NF1: variants seen among roughly 807,000 people sequenced by gnomAD.
NF1 encodes the protein neurofibromin 1, also known as neurofibromin.
A neutral mutation model predicts 325.7 loss-of-function variants in NF1; 122 were observed. The ratio of observed to expected loss-of-function variants is 0.37; its 90% confidence interval spans 0.32 to 0.44. The LOEUF is 0.44. Among genes scored for constraint, NF1 ranks in the 20% least tolerant of loss-of-function variants. The pLI, the probability that NF1 is intolerant of heterozygous loss-of-function variation, is 1.00. For synonymous variants in NF1, 1,091 were observed against 1,186.0 expected, an observed-to-expected ratio of 0.92 and a Z score of 1.65; for missense variants, 2,140 against 3,415.4, an observed-to-expected ratio of 0.63 and a Z score of 9.31.
intron 1 of NF1, among the ~76,000 whole-genome samples, chr17:31,103,471 C>G (rs899573733): frequency 6.6e-6 from 1 of 152,134 alleles, no homozygotes; most frequent in African/African-American, 2.4e-5. Flanking sequence ...TCTTGAACTC[C>G]TGACCTGAGG....
At chr17:31,330,258 A>G in intron 38 of NF1, 38 bp from the exon 39 acceptor site, 1 of 1,599,588 alleles carries the variant, frequency 6.3e-7, no homozygotes, top group South Asian at 1.1e-5. Flanking sequence ...ATAAGGAAAA[A>G]TACGTTTTAA....
chr17:31,315,211 T>C (rs2068989627), intron 36 of NF1, among the ~76,000 whole-genome samples: 1 of 152,126 alleles, frequency 6.6e-6, no homozygotes, highest in Non-Finnish European at 1.5e-5. Context: ...TAAAATAAAT[T>C]GGGGATCATT....
At chr17:31,302,708 G>A (rs530627385) in intron 36 of NF1, among the ~76,000 whole-genome samples, 1 of 152,054 alleles carries the variant, frequency 6.6e-6, no homozygotes, top group Non-Finnish European at 1.5e-5. Flanking sequence ...AGCCAGGCGT[G>A]GTGGTGCACG....
At position 31,274,831 on chromosome 17, in the gene NF1, T is replaced by C. The variant is rs16972137; in HGVS notation, c.4835+9492T>C. Among the ~76,000 whole-genome samples the C allele has an allele frequency of 7.8e-3, 1,193 of 152,272 alleles. 21 individuals are homozygous for C. Among genetic ancestry groups the C allele is most frequent in the African/African-American group, 0.027 (1,142 of 41,538 alleles). ...AATCTTGACCTTTTGAGTACTACAC[T>C]TACACAACTCTTTATTGATGCTTCA... On this transcript the variant is annotated intron_variant, in intron 36 of 57. Transcript: ENST00000358273.
intron 36 of NF1, among the ~76,000 whole-genome samples, chr17:31,270,692 C>T (rs557134747): frequency 2.2e-4 from 34 of 152,164 alleles, no homozygotes; most frequent in Non-Finnish European, 4.1e-4. Context: ...TGATACCTGG[C>T]AATTGCTTTT....
intron 32 of NF1, among the ~76,000 whole-genome samples, 185 bp downstream of exon 32, chr17:31,258,687 CATG>C (rs1246134709): frequency 5.9e-5 from 9 of 152,006 alleles, no homozygotes; most frequent in Admixed American, 5.9e-4. Flanking sequence ...ACCTTATTTT[CATG>C]ATAAAACATT....
At chr17:31,143,576 C>G (rs1465252736) in intron 1 of NF1, among the ~76,000 whole-genome samples, 1 of 151,850 alleles carries the variant, frequency 6.6e-6, no homozygotes, top group Non-Finnish European at 1.5e-5. Context: ...CTGGCAGCAC[C>G]CATATATTTT....
At chr17:31,373,494 T>C (rs1300326741) in intron 57 of NF1, among the ~76,000 whole-genome samples, 1 of 152,236 alleles carries the variant, frequency 6.6e-6, no homozygotes. Flanking sequence ...TCTGCTATGA[T>C]AGCAAACTTT....
Position 31,336,959 on chromosome 17 carries a change from A to C in NF1, c.6427+45A>C. 1 of 1,578,978 alleles carries C rather than the reference A, an allele frequency of 6.3e-7. No individual in the cohort carries two copies. The highest frequency in any genetic ancestry group is 8.6e-7 in the Non-Finnish European group (1 of 1,159,868). Reference sequence around the variant, plus strand: ...TTTGTGTTTACCAGTTCCTTTCTCCATTTTACTTCACCTGATCAATATAGA... The same window carrying C: ...TTTGTGTTTACCAGTTCCTTTCTCCCTTTTACTTCACCTGATCAATATAGA... On this transcript the variant is annotated intron_variant, in intron 42 of 57. Transcript: ENST00000358273. The surrounding 1 kb of genome is among the most constrained non-coding windows in gnomAD (Gnocchi z 5.5).
intron 13 of NF1, among the ~76,000 whole-genome samples, chr17:31,216,367 A>G (rs1413539215): frequency 6.6e-6 from 1 of 152,190 alleles, no homozygotes; most frequent in Non-Finnish European, 1.5e-5. Flanking sequence ...AGTTTTCTCA[A>G]GGTAACCATA....
chr17:31,254,897 A>C, intron 31 of NF1, among the ~76,000 whole-genome samples: 1 of 152,206 alleles, frequency 6.6e-6, no homozygotes, highest in Non-Finnish European at 1.5e-5. Flanking sequence ...GTATGAAGAC[A>C]GTATACTCAT....
At chr17:31,099,160 A>G (rs1013630226) in intron 1 of NF1, among the ~76,000 whole-genome samples, 3 of 151,996 alleles carry the variant, frequency 2.0e-5, no homozygotes, top group Non-Finnish European at 4.4e-5. Context: ...TTGGATTTCT[A>G]ATATTCGGTG....
chr17:31,298,412 G>A (rs9902427), intron 36 of NF1, among the ~76,000 whole-genome samples: 65,263 of 151,840 alleles, frequency 0.43, 16,289 homozygotes, highest in African/African-American at 0.69. Context: ...TTATGTGTAA[G>A]GAAAGTCTCT....
rs796123366 is a variant in NF1, at chr17:31,189,409, C to T, written c.888+6744C>T. 5.9e-5 allele frequency among the ~76,000 whole-genome samples: 9 copies of T among 152,192 alleles called. 1 individual carries two copies. The highest frequency in any genetic ancestry group is 1.9e-4 in the African/African-American group (8 of 41,544). ...TATAATTCACATATCATAAAATTTACGTTTTTGAAGTGTAAAATTCAGCGA... is the reference window on the plus strand; with the variant it reads ...TATAATTCACATATCATAAAATTTATGTTTTTGAAGTGTAAAATTCAGCGA... On this transcript the variant is annotated intron_variant, in intron 8 of 57. Coordinates refer to ENST00000358273, the MANE Select transcript of NF1 (RefSeq NM_001042492.3).
chr17:31,279,697 T>G (rs2068080784), intron 36 of NF1, among the ~76,000 whole-genome samples: 1 of 152,126 alleles, frequency 6.6e-6, no homozygotes, highest in Non-Finnish European at 1.5e-5. Flanking sequence ...CCTTCTAGAA[T>G]TGTATATAAG....
At chr17:31,161,583 G>C (rs971712374) in intron 3 of NF1, among the ~76,000 whole-genome samples, 1 of 152,198 alleles carries the variant, frequency 6.6e-6, no homozygotes, top group African/African-American at 2.4e-5. Context: ...TTACAAAGTA[G>C]AGATTTCACT....
chr17:31,252,786 AT>A, intron 30 of NF1, 151 bp from the exon 31 acceptor site: 1 of 665,296 alleles, frequency 1.5e-6, no homozygotes, highest in Non-Finnish European at 2.6e-6. Context: ...CAGAATTAAA[AT>A]TCATTCCTCA....
At chr17:31,368,393 C>T (rs1307021950) in intron 57 of NF1, among the ~76,000 whole-genome samples, 2 of 152,096 alleles carry the variant, frequency 1.3e-5, no homozygotes, top group African/African-American at 2.4e-5. Context: ...CCTGCCTTGG[C>T]CTCCCAAAAT....
At chr17:31,299,795 T>A (rs1270663971) in intron 36 of NF1, among the ~76,000 whole-genome samples, 3 of 152,080 alleles carry the variant, frequency 2.0e-5, no homozygotes, top group Non-Finnish European at 4.4e-5. Flanking sequence ...CCCACCTCCC[T>A]ACTCCTTTTT....
Sources: allele counts gnomAD v4.1 joint callset (sites outside exome capture counted in the v4.1 genomes callset), GRCh38; gene constraint gnomAD v4.1.1; non-coding constraint Gnocchi (gnomAD v3.1); transcripts MANE v1.5; gene names NCBI Gene and HGNC (gene_info 2026-07-23, HGNC 2026-07-21).